CROCC2: variants seen among roughly 807,000 people sequenced by gnomAD.
The protein encoded by CROCC2 is ciliary rootlet coiled-coil protein 2.
CROCC2 carries 163 observed loss-of-function variants against 177.6 expected under a neutral mutation model. That is an observed-to-expected ratio of 0.92 (90% CI 0.81 to 1.05). The LOEUF (loss-of-function observed/expected upper bound fraction) is 1.05. CROCC2 is among the 50% of genes least tolerant of loss of function. The probability of loss-of-function intolerance (pLI) is 0.00; values close to 1 mark genes in which losing one functional copy is unlikely to be tolerated. For missense variants in CROCC2, 1,929 were observed against 1,797.8 expected (o/e 1.07, Z -1.32); for synonymous variants, 904 against 787.3 (o/e 1.15, Z -2.48).
chr2:240,940,293 A>T (rs563836641), intron 14 of CROCC2, among the ~76,000 whole-genome samples: 1 of 152,266 alleles, frequency 6.6e-6, no homozygotes. Flanking sequence ...TTATTTCTTC[A>T]TGAGGAATTG....
intron 1 of CROCC2, among the ~76,000 whole-genome samples, chr2:240,916,348 TC>T (rs1164897969): frequency 6.7e-6 from 1 of 148,456 alleles, no homozygotes; most frequent in African/African-American, 2.5e-5. Flanking sequence ...TCGCGCCCAC[TC>T]TACGCCCCCT....
intron 28 of CROCC2, among the ~76,000 whole-genome samples, chr2:240,984,039 C>A (rs1000784921): frequency 6.6e-6 from 1 of 152,184 alleles, no homozygotes; most frequent in Non-Finnish European, 1.5e-5. Flanking sequence ...AGGGCCTGGG[C>A]AGACAGGGTG....
Position 240,932,725 on chromosome 2 carries a change from C to T in CROCC2, c.1068C>T (p.Cys356=), listed in dbSNP as rs1417772610. ...QNLVAQEDAR[C]LELAGSSITE... is the part of the protein sequence containing the mutation. ...AGGTGGCCCAGGAGGACGCCCGGTG[C>T]CTGGAGCTGGCAGGTAGCAGCATCA... Residue 356 remains cysteine (C), a synonymous_variant, in exon 9 of 32, where the codon TGC becomes TGT. Transcript: ENST00000690015. The T allele has an allele frequency of 3.5e-6, 3 of 864,876 alleles. No individual in the cohort carries two copies. Among genetic ancestry groups the T allele is most frequent in the African/African-American group, 1.7e-5 (1 of 59,956 alleles). The allele number at this position is 864,876 out of a possible 1,614,324, so 53.6% of individuals were successfully genotyped here. A position where few individuals can be genotyped will look rare whatever the true frequency, so the allele number is the denominator to read the frequency against.
At chr2:240,963,111 G>A (rs2059654336) in intron 20 of CROCC2, among the ~76,000 whole-genome samples, 1 of 152,210 alleles carries the variant, frequency 6.6e-6, no homozygotes, top group South Asian at 2.1e-4. Flanking sequence ...TGCCTGCTGA[G>A]GCTGCTGCCC....
At chr2:240,983,201 C>G in intron 28 of CROCC2, 172 bp downstream of exon 28, 1 of 847,666 alleles carries the variant, frequency 1.2e-6, no homozygotes, top group Admixed American at 2.9e-5. Context: ...CCATCCAGTC[C>G]CCCGCTGACA....
intron 1 of CROCC2, among the ~76,000 whole-genome samples, chr2:240,915,814 G>T (rs570169426): frequency 6.6e-6 from 1 of 152,152 alleles, no homozygotes; most frequent in Non-Finnish European, 1.5e-5. Flanking sequence ...GGTCTTTAAT[G>T]CAGGTTGAGC....
Position 240,933,832 on chromosome 2 carries a change from C to T in CROCC2, c.1626C>T (p.Ser542=), listed in dbSNP as rs2059449674. The part of the protein sequence containing the change: ...REELALRRER[S]CRALETSQGR... ...AGCTGGCTCTGCGGAGGGAGCGGAG[C>T]TGCAGGGCACTGGAGACCAGGTGCG... Residue 542 remains serine (S), a synonymous_variant, in exon 11 of 32, where the codon AGC becomes AGT. Coordinates refer to ENST00000690015, the MANE Select transcript of CROCC2 (RefSeq NM_001351305.2). The T allele has an allele frequency of 6.5e-7, 1 of 1,547,536 alleles. No individual in the cohort carries two copies. Among genetic ancestry groups the T allele is most frequent in the Non-Finnish European group, 8.7e-7 (1 of 1,146,424 alleles).
At chr2:240,911,621 T>C (rs1305166807) in intron 1 of CROCC2, among the ~76,000 whole-genome samples, 1 of 152,008 alleles carries the variant, frequency 6.6e-6, no homozygotes, top group East Asian at 1.9e-4. Context: ...CTTCCCAAAC[T>C]GAGACTCTGC....
chr2:240,947,474 C>T (rs1158114632), intron 15 of CROCC2, among the ~76,000 whole-genome samples: 2 of 152,204 alleles, frequency 1.3e-5, no homozygotes, highest in African/African-American at 4.8e-5. Context: ...CATCACAGGC[C>T]ACTGAACAGG....
At position 240,966,409 on chromosome 2, in the gene CROCC2, G is replaced by C. The variant is rs1363267212; in HGVS notation, c.4146G>C (p.Arg1382=). The change falls in exon 25 of 32, where the codon CGG becomes CGC. Residue 1382 remains arginine, a splice_region_variant and synonymous_variant. Coordinates refer to ENST00000690015, the MANE Select transcript of CROCC2 (RefSeq NM_001351305.2). ...VQKLREAQRE[R]DDSRIQMATL... is the part of the protein sequence containing the mutation. ...AGCTCCGGGAAGCCCAGCGGGAGCG[G>C]GTAATGGGGGCTGGGGTCCTCCCGC... The C allele has an allele frequency of 2.5e-6, 1 of 400,952 alleles. No individual in the cohort carries two copies. Among genetic ancestry groups the C allele is most frequent in the African/African-American group, 2.1e-5 (1 of 48,696 alleles). 24.8% of individuals were successfully genotyped at this position (400,952 alleles called of 1,614,324 possible). A position where few individuals can be genotyped will look rare whatever the true frequency, so the allele number is the denominator to read the frequency against.
At chr2:240,906,644 A>G in intron 1 of CROCC2, 53 bp downstream of exon 1, 1 of 399,016 alleles carries the variant, frequency 2.5e-6, no homozygotes, top group Non-Finnish European at 4.4e-6. Flanking sequence ...TTGCCAGGAC[A>G]CTTTGGAAGG....
rs757158384 is a variant in CROCC2 at position 240,949,042 on chromosome 2, G to A, written c.2427G>A (p.Gln809=). The change falls in exon 16 of 32, where the codon CAG becomes CAA. Residue 809 remains glutamine (Q), a synonymous_variant. Transcript: ENST00000690015. The surrounding 1 kb of genome is among the most constrained non-coding windows in gnomAD (Gnocchi z 4.5). ...CCCAACAGCTGGCCACAAAGCTGCAGGAGCAGCTGGAGGAGGAAGCCCGGA... is the reference window on the plus strand; with the variant it reads ...CCCAACAGCTGGCCACAAAGCTGCAAGAGCAGCTGGAGGAGGAAGCCCGGA... ...LEAQQLATKL[Q]EQLEEEARSA... The A allele has an allele frequency of 2.8e-5, 43 of 1,549,586 alleles. No individual in the cohort carries two copies. Among genetic ancestry groups the A allele is most frequent in the Middle Eastern group, 1.8e-4 (1 of 5,522 alleles).
At chr2:240,991,879 G>A (rs187280612) in intron 31 of CROCC2, among the ~76,000 whole-genome samples, 1 of 152,214 alleles carries the variant, frequency 6.6e-6, no homozygotes, top group African/African-American at 2.4e-5. Context: ...GTCCTGCAAG[G>A]CCAGCCACCA....
intron 18 of CROCC2, among the ~76,000 whole-genome samples, chr2:240,952,740 C>T (rs1484868071): frequency 1.3e-5 from 2 of 152,194 alleles, no homozygotes; most frequent in Non-Finnish European, 2.9e-5. Flanking sequence ...TGGGCGCCAG[C>T]ATCAGGTGAT....
At position 240,965,758 on chromosome 2, in the gene CROCC2, C is replaced by G. The variant is rs1361337737; in HGVS notation, c.3726C>G (p.His1242Gln). The change falls in exon 24 of 32, where the codon CAC becomes CAG. Residue 1242 changes from histidine to glutamine, a missense_variant. Coordinates refer to ENST00000690015, the MANE Select transcript of CROCC2 (RefSeq NM_001351305.2). Reference protein sequence around the residue: ...GAEQTLRAELHSVTRKLQEAS... With the variant: ...GAEQTLRAELQSVTRKLQEAS... ...AGCAGACCCTCCGAGCAGAGCTGCA[C>G]AGTGTCACCAGGAAGCTGCAGGAAG... 2.0e-6 allele frequency: 3 copies of G among 1,512,756 alleles called. No individual in the cohort carries two copies. The highest frequency in any genetic ancestry group is 2.7e-6 in the Non-Finnish European group (3 of 1,129,976). The allele number at this position is 1,512,756 out of a possible 1,614,324, so 93.7% of individuals were successfully genotyped here.
Position 240,965,727 on chromosome 2 carries a change from G to T in CROCC2, c.3695G>T (p.Gly1232Val). Residue 1232 changes from glycine to valine, a missense_variant, in exon 24 of 32, where the codon GGG (glycine) becomes GTG (valine). By Grantham distance (109) the Gly-to-Val change is moderately radical (BLOSUM62 -3). Coordinates refer to ENST00000690015, the MANE Select transcript of CROCC2 (RefSeq NM_001351305.2). ...CAGGAGCACCTCCGTGAGAGCCGGG[G>T]GGCTGAGCAGACCCTCCGAGCAGAG... ...RLQEHLRESR[G>V]AEQTLRAELH... The T allele has an allele frequency of 6.5e-7, 1 of 1,545,060 alleles. No homozygotes were observed. Among genetic ancestry groups the T allele is most frequent in the Non-Finnish European group, 8.7e-7 (1 of 1,144,440 alleles).
At position 240,932,909 on chromosome 2, in the gene CROCC2, G is replaced by A; in HGVS notation, c.1251+1G>A. ...AGAGAGGCGGTGGCGGCGGGAACAG[G>A]TGGGCAGCCGCAGCCCACAGGACTC... On this transcript the variant is annotated splice_donor_variant, in intron 9 of 31. Coordinates refer to ENST00000690015, the MANE Select transcript of CROCC2 (RefSeq NM_001351305.2). LOFTEE classifies it high-confidence loss of function. 1.9e-6 allele frequency: 3 copies of A among 1,545,118 alleles called. No individual in the cohort carries two copies. Among genetic ancestry groups the A allele is most frequent in the Middle Eastern group, 2.1e-4 (1 of 4,652 alleles).
chr2:240,968,635 C>T (rs976663591), intron 27 of CROCC2, among the ~76,000 whole-genome samples: 2 of 152,346 alleles, frequency 1.3e-5, no homozygotes, highest in Non-Finnish European at 2.9e-5. Context: ...AGGCATGGGG[C>T]GGCCCTGGCC....
At chr2:240,929,745 G>A (rs928892703) in intron 5 of CROCC2, 51 of 463,860 alleles carry the variant, frequency 1.1e-4, no homozygotes, top group Non-Finnish European at 2.1e-4. Flanking sequence ...CTCTTCCATT[G>A]GAGTGGCAGG....
Sources: allele counts gnomAD v4.1 joint callset (sites outside exome capture counted in the v4.1 genomes callset), GRCh38; gene constraint gnomAD v4.1.1; non-coding constraint Gnocchi (gnomAD v3.1); transcripts MANE v1.5; gene names NCBI Gene and HGNC (gene_info 2026-07-23, HGNC 2026-07-21).